The following MPRIP variants were observed in gnomAD, a reference collection of about 807,000 sequenced individuals.
MPRIP encodes the protein myosin phosphatase Rho-interacting protein.
MPRIP carries 59 observed loss-of-function variants against 234.9 expected under a neutral mutation model. The observed-to-expected ratio is 0.25, with a 90% confidence interval of 0.20 to 0.31. The LOEUF (loss-of-function observed/expected upper bound fraction) is 0.31. MPRIP is among the 10% of genes least tolerant of loss of function. The pLI, the probability that MPRIP is intolerant of heterozygous loss-of-function variation, is 1.00. For missense variants in MPRIP, 2,436 were observed against 3,071.0 expected, an observed-to-expected ratio of 0.79 and a Z score of 4.89; for synonymous variants, 1,144 against 1,263.9, an observed-to-expected ratio of 0.91 and a Z score of 2.01.
At chr17:17,180,480 G>T in intron 23 of MPRIP, 1 of 864,862 alleles carries the variant, frequency 1.2e-6, no homozygotes, top group South Asian at 1.4e-5. Context: ...TCCCCAGCCA[G>T]GAAGCAGTAC....
At chr17:17,063,168 C>G (rs2088918362) in intron 1 of MPRIP, among the ~76,000 whole-genome samples, 1 of 152,138 alleles carries the variant, frequency 6.6e-6, no homozygotes, top group South Asian at 2.1e-4. Flanking sequence ...CCTGGCTTGC[C>G]CAGGTCTTGG....
chr17:17,175,227 G>A (rs1043308511), intron 19 of MPRIP, 66 bp from the exon 20 acceptor site: 8 of 1,609,720 alleles, frequency 5.0e-6, no homozygotes, highest in East Asian at 2.2e-5. Context: ...TGGCCTTCCC[G>A]GGTTGTGTCA....
rs1306096990 is a variant in MPRIP, at chr17:17,185,904, AT to A, written c.*1013del. ...TATTGAGACTCCGATCTTAACTCTC[AT>A]TTAATTAATCTGAGCTCTGAAAACC... On this transcript the variant is annotated 3_prime_UTR_variant, in exon 24 of 24. Coordinates refer to ENST00000651222, the MANE Select transcript of MPRIP (RefSeq NM_001364716.4). 6.1e-6 allele frequency: 1 copy of A among 163,274 alleles called. No homozygotes were observed. 10.1% of individuals were successfully genotyped at this position (163,274 alleles called of 1,614,324 possible).
chr17:17,169,018 C>G (rs1386579897), intron 16 of MPRIP: 2 of 456,748 alleles, frequency 4.4e-6, no homozygotes, highest in Non-Finnish European at 8.8e-6. Flanking sequence ...CGGACTCGGC[C>G]CCACCCAGAC....
chr17:17,043,979 C>T (rs74805854), intron 1 of MPRIP, among the ~76,000 whole-genome samples: 1 of 152,170 alleles, frequency 6.6e-6, no homozygotes, highest in African/African-American at 2.4e-5. Context: ...CAGAAGAACC[C>T]CTTAGACTGA....
chr17:17,112,455 T>C (rs1431579296), intron 3 of MPRIP, among the ~76,000 whole-genome samples: 1 of 152,218 alleles, frequency 6.6e-6, no homozygotes, highest in East Asian at 1.9e-4. Context: ...CCAAGCCTGA[T>C]GTCCAGTAGA....
intron 11 of MPRIP, among the ~76,000 whole-genome samples, chr17:17,148,531 G>C (rs2045528436): frequency 6.6e-6 from 1 of 152,134 alleles, no homozygotes; most frequent in African/African-American, 2.4e-5. Flanking sequence ...AAATAAATAA[G>C]GTCCTTGAAA....
intron 3 of MPRIP, among the ~76,000 whole-genome samples, chr17:17,091,466 G>A (rs147157602): frequency 6.6e-6 from 1 of 152,300 alleles, no homozygotes; most frequent in African/African-American, 2.4e-5. Context: ...AGTTGTCAGC[G>A]AGCAGTGAGC....
chr17:17,103,595 C>T (rs1447358019), intron 3 of MPRIP, among the ~76,000 whole-genome samples: 1 of 152,178 alleles, frequency 6.6e-6, no homozygotes, highest in Non-Finnish European at 1.5e-5. Flanking sequence ...ACTGCCCCTT[C>T]CCAGGCCCCT....
chr17:17,104,704 C>T (rs976287053), intron 3 of MPRIP, among the ~76,000 whole-genome samples: 15 of 152,194 alleles, frequency 9.9e-5, no homozygotes, highest in Non-Finnish European at 7.3e-5. Context: ...CAGCCACCCA[C>T]GAGGTCTCAG....
At chr17:17,105,634 G>T (rs1029081964) in intron 3 of MPRIP, among the ~76,000 whole-genome samples, 1 of 152,202 alleles carries the variant, frequency 6.6e-6, no homozygotes, top group Admixed American at 6.5e-5. Context: ...CACTGGTGGT[G>T]GTGTGAGAGA....
intron 18 of MPRIP, 67 bp downstream of exon 18, chr17:17,172,882 T>C: frequency 7.1e-7 from 1 of 1,413,028 alleles, no homozygotes; most frequent in East Asian, 2.3e-5. Flanking sequence ...AGGCCACAGC[T>C]GGGCCCTTCC....
At chr17:17,055,104 G>A (rs2088654433) in intron 1 of MPRIP, among the ~76,000 whole-genome samples, 1 of 151,868 alleles carries the variant, frequency 6.6e-6, no homozygotes, top group South Asian at 2.1e-4. Context: ...AAGGGGCCAG[G>A]CTTCATCAGC....
intron 3 of MPRIP, among the ~76,000 whole-genome samples, chr17:17,123,481 G>A (rs2090431353): frequency 6.6e-6 from 1 of 152,004 alleles, no homozygotes; most frequent in Non-Finnish European, 1.5e-5. Context: ...TGGCCAACAT[G>A]GTGAAACCCC....
intron 1 of MPRIP, among the ~76,000 whole-genome samples, chr17:17,065,948 G>A (rs1483257318): frequency 6.6e-6 from 1 of 152,192 alleles, no homozygotes. Flanking sequence ...TGATGTCCAC[G>A]TGTCCGTTGC....
intron 3 of MPRIP, among the ~76,000 whole-genome samples, chr17:17,099,081 T>G (rs560682368): frequency 6.8e-6 from 1 of 146,968 alleles, no homozygotes; most frequent in African/African-American, 2.4e-5. Context: ...TGCAAAAGGC[T>G]TCTTTTCTTT....
chr17:17,113,786 C>T (rs2090220402), intron 3 of MPRIP, among the ~76,000 whole-genome samples: 1 of 152,066 alleles, frequency 6.6e-6, no homozygotes, highest in Non-Finnish European at 1.5e-5. Context: ...CTCACCAACA[C>T]TGACAGTTTT....
intron 3 of MPRIP, among the ~76,000 whole-genome samples, chr17:17,093,508 G>A (rs1230880085): frequency 2.6e-5 from 4 of 152,142 alleles, no homozygotes. Context: ...GATTACATAA[G>A]ATTTACCCAT....
intron 3 of MPRIP, among the ~76,000 whole-genome samples, chr17:17,112,833 T>C (rs2090200542): frequency 6.6e-6 from 1 of 152,152 alleles, no homozygotes; most frequent in African/African-American, 2.4e-5. Flanking sequence ...CTGTACTGCG[T>C]TCCATCCCCA....
Sources: allele counts gnomAD v4.1 joint callset (sites outside exome capture counted in the v4.1 genomes callset), GRCh38; gene constraint gnomAD v4.1.1; transcripts MANE v1.5; gene names NCBI Gene and HGNC (gene_info 2026-07-23, HGNC 2026-07-21).